The following RBFOX1 variants were observed in gnomAD, a reference collection of about 807,000 sequenced individuals.
RBFOX1 encodes RNA binding protein fox-1 homolog 1.
In RBFOX1, 8 loss-of-function variants were observed where a neutral mutation model predicts 57.7. The ratio of observed to expected loss-of-function variants is 0.14; its 90% CI spans 0.08 to 0.25. RBFOX1 has a LOEUF of 0.25. Ranked by LOEUF, RBFOX1 falls within the 10% of genes least tolerant of loss-of-function variation. RBFOX1 has a pLI of 1.00. For missense variants in RBFOX1, 611 were observed against 548.5 expected, an observed-to-expected ratio of 1.11 and a Z score of -1.14; for synonymous variants, 326 against 222.4, an observed-to-expected ratio of 1.47 and a Z score of -4.15.
rs558788158 is a variant in RBFOX1, at chr16:6,941,482, C to G, written c.-15-110575C>G. ...TAACATACTGTAAAAGTGCCGTAAA[C>G]TTTTGATCTATTCTTTCTTCCCAGT... On this transcript the variant is annotated intron_variant, in intron 3 of 15. Coordinates refer to ENST00000550418, the MANE Select transcript of RBFOX1 (RefSeq NM_018723.4). 8.6e-5 allele frequency among the ~76,000 whole-genome samples: 13 copies of G among 151,926 alleles called. No homozygotes were observed. The South Asian group carries it at 2.7e-3, about 32-fold the overall frequency.
chr16:5,797,055 A>G (rs2054902673), intron 3 of RBFOX1, among the ~76,000 whole-genome samples: 1 of 152,216 alleles, frequency 6.6e-6, no homozygotes. Flanking sequence ...AGAAAATTAA[A>G]TGGAATTTTG....
chr16:6,304,136 A>C (rs1381200758), intron 1 of RBFOX1, among the ~76,000 whole-genome samples: 1 of 151,764 alleles, frequency 6.6e-6, no homozygotes, highest in East Asian at 2.0e-4. Flanking sequence ...TAAAATACAA[A>C]AATTACCCAG....
chr16:7,665,420 T>A (rs971915876), intron 13 of RBFOX1, among the ~76,000 whole-genome samples: 5 of 152,188 alleles, frequency 3.3e-5, no homozygotes, highest in African/African-American at 1.2e-4. Flanking sequence ...AGGAACACTC[T>A]TTCTCTCTCT....
At chr16:7,497,091 T>C (rs1298757386) in intron 4 of RBFOX1, among the ~76,000 whole-genome samples, 1 of 152,170 alleles carries the variant, frequency 6.6e-6, no homozygotes, top group Non-Finnish European at 1.5e-5. Context: ...CAGCGTGGTC[T>C]TTCTAAGACA....
rs140176543 is a variant in RBFOX1 at position 6,942,420 on chromosome 16, A to G, written c.-15-109637A>G. Among the ~76,000 whole-genome samples the G allele has an allele frequency of 6.3e-3, 966 of 152,226 alleles. 13 individuals carry two copies. The highest frequency in any genetic ancestry group is 0.022 in the African/African-American group (912 of 41,524). On this transcript the variant is annotated intron_variant, in intron 3 of 15. Transcript: ENST00000550418. ...AACCACCCTCTCCGTCAGCCTCCCA[A>G]AATGCTGGGATTACAGTTTTGAGCC... is the stretch of plus-strand genomic sequence containing the variant.
intron 1 of RBFOX1, among the ~76,000 whole-genome samples, chr16:5,408,525 C>G (rs971209298): frequency 5.9e-5 from 9 of 152,204 alleles, no homozygotes; most frequent in African/African-American, 2.2e-4. Flanking sequence ...TGAGGGATCT[C>G]TCTTTCTCCT....
intron 4 of RBFOX1, among the ~76,000 whole-genome samples, chr16:7,445,522 A>G (rs191181470): frequency 6.6e-6 from 1 of 152,330 alleles, no homozygotes; most frequent in Non-Finnish European, 1.5e-5. Flanking sequence ...ATCAAATAGG[A>G]GTGACAGGTC....
At chr16:5,603,376 C>G (rs1017868601), downstream of RBFOX1, among the ~76,000 whole-genome samples, 1 of 149,936 alleles carries the variant, frequency 6.7e-6, no homozygotes, top group East Asian at 2.1e-4. Context: ...GCATGGCTTG[C>G]ACAGTCTCAT....
intron 3 of RBFOX1, among the ~76,000 whole-genome samples, chr16:6,980,363 T>C (rs1027650534): frequency 2.6e-5 from 4 of 152,180 alleles, no homozygotes; most frequent in African/African-American, 9.7e-5. Flanking sequence ...TGTAACCATT[T>C]CTTTTGTTTT....
chr16:6,215,250 GGA>G (rs1241694257), intron 1 of RBFOX1, among the ~76,000 whole-genome samples: 1 of 130,988 alleles, frequency 7.6e-6, no homozygotes, highest in Non-Finnish European at 1.6e-5. Context: ...GAGAGGGAAG[GGA>G]GAGAGAGAAG....
chr16:6,319,407 G>A (rs780774017), intron 2 of RBFOX1, among the ~76,000 whole-genome samples: 5 of 152,028 alleles, frequency 3.3e-5, no homozygotes, highest in Admixed American at 6.6e-5. Context: ...ATTTACTGTC[G>A]TGTTGGTAGA....
At chr16:5,450,074 A>C (rs1393465852) in intron 1 of RBFOX1, among the ~76,000 whole-genome samples, 5 of 152,234 alleles carry the variant, frequency 3.3e-5, no homozygotes, top group Non-Finnish European at 5.9e-5. Flanking sequence ...CTTGGATCTG[A>C]GAAAGCAGGA....
chr16:7,014,658 C>G (rs1952450847), intron 3 of RBFOX1, among the ~76,000 whole-genome samples: 1 of 152,104 alleles, frequency 6.6e-6, no homozygotes, highest in Admixed American at 6.6e-5. Context: ...GATTCTCAGT[C>G]TTTCAAGGTA....
At chr16:6,328,936 A>C (rs2082688911) in intron 2 of RBFOX1, among the ~76,000 whole-genome samples, 1 of 152,124 alleles carries the variant, frequency 6.6e-6, no homozygotes, top group South Asian at 2.1e-4. Context: ...CCAACCAACA[A>C]GTGGGTGGGA....
At chr16:7,656,172 C>A (rs1444167476) in intron 12 of RBFOX1, among the ~76,000 whole-genome samples, 2 of 152,144 alleles carry the variant, frequency 1.3e-5, no homozygotes, top group African/African-American at 4.8e-5. Context: ...GGAGCCCCAG[C>A]AGGACTAAGA....
chr16:6,556,586 T>C (rs2153893921), intron 2 of RBFOX1, among the ~76,000 whole-genome samples: 1 of 152,312 alleles, frequency 6.6e-6, no homozygotes, highest in South Asian at 2.1e-4. Context: ...CTTGTCATTT[T>C]CCAGATTGAA....
intron 3 of RBFOX1, among the ~76,000 whole-genome samples, chr16:6,709,924 C>G (rs1297239073): frequency 6.6e-6 from 1 of 152,086 alleles, no homozygotes; most frequent in Non-Finnish European, 1.5e-5. Flanking sequence ...TAACGGGGCC[C>G]TTTTGAGGTG....
chr16:7,360,048 T>C lies in RBFOX1; in HGVS notation c.28-158099T>C, dbSNP rs138298920. Among the ~76,000 whole-genome samples, 400 of 152,206 alleles carry C rather than the reference T, an allele frequency of 2.6e-3. 1 individual carries two copies. Among genetic ancestry groups the C allele is most frequent in the African/African-American group, 9.2e-3 (384 of 41,534 alleles). Reference sequence around the variant, plus strand: ...GGAAAATCACTTTTTTTAATTACACTATATAGTCTTTCTATAGTTGAAACA... The same window carrying C: ...GGAAAATCACTTTTTTTAATTACACCATATAGTCTTTCTATAGTTGAAACA... On this transcript the variant is annotated intron_variant, in intron 4 of 15. Coordinates refer to ENST00000550418, the MANE Select transcript of RBFOX1 (RefSeq NM_018723.4).
chr16:5,686,782 C>T (rs897371108), intron 3 of RBFOX1, among the ~76,000 whole-genome samples: 1 of 152,024 alleles, frequency 6.6e-6, no homozygotes, highest in Non-Finnish European at 1.5e-5. Flanking sequence ...AGTAGAAATT[C>T]CATTTGGCTA....
Sources: allele counts gnomAD v4.1 joint callset (sites outside exome capture counted in the v4.1 genomes callset), GRCh38; gene constraint gnomAD v4.1.1; transcripts MANE v1.5; gene names NCBI Gene and HGNC (gene_info 2026-07-23, HGNC 2026-07-21).